The following NR4A1 variants were observed in gnomAD, a reference collection of about 807,000 sequenced individuals.
NR4A1 encodes the protein nuclear receptor subfamily 4immunitygroup A member 1.
A neutral mutation model predicts 47.5 loss-of-function variants in NR4A1; 24 were observed. That is an observed-to-expected ratio of 0.50 (90% CI 0.37 to 0.71). NR4A1 has a LOEUF of 0.71. Among genes scored for constraint, NR4A1 ranks in the 30% least tolerant of loss-of-function variants. The probability of loss-of-function intolerance (pLI) is 0.00; values close to 1 mark genes in which losing one functional copy is unlikely to be tolerated. For synonymous variants in NR4A1, 353 were observed against 345.7 expected (o/e 1.02, Z -0.24); for missense variants, 669 against 788.6 (o/e 0.85, Z 1.82).
At chr12:52,058,318 A>G (rs1220577653) in intron 6 of NR4A1, 1 of 224,684 alleles carries the variant, frequency 4.5e-6, no homozygotes, top group African/African-American at 2.3e-5. Flanking sequence ...TATAGAACAC[A>G]ATCAGAGGTA....
chr12:52,028,526 AT>A (rs200084436), intron 1 of NR4A1, among the ~76,000 whole-genome samples: 1,682 of 152,072 alleles, frequency 0.011, 31 homozygotes, highest in African/African-American at 0.038. Flanking sequence ...GTGAGCTGAG[AT>A]TGAGCCACTG....
At chr12:52,029,516 C>A (rs1462740691) in intron 1 of NR4A1, among the ~76,000 whole-genome samples, 1 of 151,994 alleles carries the variant, frequency 6.6e-6, no homozygotes, top group Non-Finnish European at 1.5e-5. Context: ...AGTGAAACCC[C>A]GTCTCTACAA....
chr12:52,054,381 G>A lies in NR4A1; in HGVS notation c.53G>A (p.Arg18His), dbSNP rs1216862802. The change falls in exon 2 of 7, where the codon CGT becomes CAT. Residue 18 changes from arginine to histidine, a missense_variant. Coordinates refer to ENST00000394825, the MANE Select transcript of NR4A1 (RefSeq NM_173157.3). The stretch of plus-strand genomic sequence containing the variant: ...ACACCAGCACCGAGTCCGGGACCCC[G>A]TGACCACCTGGCAAGCGACCCCCTG... The part of the protein sequence containing the change: ...YGTPAPSPGP[R>H]DHLASDPLTP... 1.2e-6 allele frequency: 2 copies of A among 1,613,428 alleles called. No individual in the cohort carries two copies. Among genetic ancestry groups the A allele is most frequent in the Non-Finnish European group, 1.7e-6 (2 of 1,179,714 alleles).
intron 1 of NR4A1, among the ~76,000 whole-genome samples, chr12:52,023,791 G>A (rs1409204611): frequency 5.3e-5 from 8 of 152,284 alleles, no homozygotes; most frequent in African/African-American, 9.6e-5. Context: ...TCCTCACAGG[G>A]TGCTGTGGCT....
chr12:52,053,354 A>T (rs1774648804), intron 1 of NR4A1: 1 of 152,104 alleles, frequency 6.6e-6, no homozygotes, highest in African/African-American at 2.4e-5. Context: ...GGACCCAGGC[A>T]GGGGCAGAAT....
At chr12:52,052,482 G>A in intron 1 of NR4A1, 4 of 985,538 alleles carry the variant, frequency 4.1e-6, no homozygotes, top group Non-Finnish European at 4.8e-6. Context: ...AGTAGTCTCT[G>A]TTGGATCTTA....
chr12:52,038,672 G>A, intron 1 of NR4A1: 1 of 760,048 alleles, frequency 1.3e-6, no homozygotes, highest in South Asian at 1.4e-5. Flanking sequence ...TAAAAAGGAA[G>A]TCAGCTGACT....
At chr12:52,047,442 G>A (rs146448312), upstream of NR4A1, among the ~76,000 whole-genome samples, 132 of 152,354 alleles carry the variant, frequency 8.7e-4, no homozygotes, top group East Asian at 0.016. Context: ...TGCTCCACAC[G>A]GGAACCTGCA....
chr12:52,029,039 G>A (rs1006983613), intron 1 of NR4A1, among the ~76,000 whole-genome samples: 1 of 152,190 alleles, frequency 6.6e-6, no homozygotes, highest in African/African-American at 2.4e-5. Context: ...CACTCCCAGG[G>A]AGCTAGGACC....
intron 1 of NR4A1, among the ~76,000 whole-genome samples, chr12:52,040,300 G>A (rs1215756602): frequency 6.6e-6 from 1 of 152,210 alleles, no homozygotes; most frequent in Admixed American, 6.5e-5. Flanking sequence ...GCACCACCTG[G>A]TGCCAAACTC....
In NR4A1 at chr12:52,054,564, C is replaced by A. The variant is rs145456746; in HGVS notation, c.236C>A (p.Ser79Tyr). The A allele has an allele frequency of 1.8e-4, 288 of 1,614,024 alleles. No homozygotes were observed. The highest frequency in any genetic ancestry group is 2.3e-4 in the Non-Finnish European group (272 of 1,180,014). The change falls in exon 2 of 7, where the codon TCC (serine) becomes TAC (tyrosine). Residue 79 changes from serine (S) to tyrosine (Y), a missense_variant. Transcript: ENST00000394825. ...YQLPGTVQPC[S>Y]SASSSASSTS... ...CTGCCAGGAACAGTCCAGCCATGCTCCTCAGCCTCCTCCTCGGCCTCCTCC... is the reference window on the plus strand; with the variant it reads ...CTGCCAGGAACAGTCCAGCCATGCTACTCAGCCTCCTCCTCGGCCTCCTCC...
At chr12:52,048,422 G>A (rs149368854), upstream of NR4A1, among the ~76,000 whole-genome samples, 76 of 151,968 alleles carry the variant, frequency 5.0e-4, no homozygotes, top group Non-Finnish European at 8.2e-4. Context: ...GTGAAACCCC[G>A]TCTCTGCTAA....
chr12:52,038,875 C>G (rs1938337461), intron 1 of NR4A1: 1 of 647,828 alleles, frequency 1.5e-6, no homozygotes. Flanking sequence ...GGCTCAAAGG[C>G]CCAGGGACCC....
At chr12:52,033,626 T>A (rs1193735284) in intron 1 of NR4A1, among the ~76,000 whole-genome samples, 1 of 151,898 alleles carries the variant, frequency 6.6e-6, no homozygotes, top group Non-Finnish European at 1.5e-5. Context: ...CCAAGTGGGG[T>A]CTCCTCATCC....
At chr12:52,052,323 G>A (rs2641521) in intron 1 of NR4A1, among the ~76,000 whole-genome samples, 3,349 of 146,662 alleles carry the variant, frequency 0.023, 97 homozygotes, top group African/African-American at 0.079. Flanking sequence ...GAGAGAGAGA[G>A]AGAGAAAGAG....
At chr12:52,024,973 C>T (rs1042165494) in intron 1 of NR4A1, among the ~76,000 whole-genome samples, 4 of 152,180 alleles carry the variant, frequency 2.6e-5, no homozygotes, top group Non-Finnish European at 5.9e-5. Context: ...CCTTTTGCTT[C>T]CTGAGACTGC....
chr12:52,056,294 G>A, intron 3 of NR4A1, 135 bp downstream of exon 3: 1 of 1,417,138 alleles, frequency 7.1e-7, no homozygotes, highest in Non-Finnish European at 9.5e-7. Flanking sequence ...TGAACCCCAG[G>A]CCTTGGAGGG....
chr12:52,038,075 T>C, intron 1 of NR4A1: 1 of 983,098 alleles, frequency 1.0e-6, no homozygotes, highest in African/African-American at 1.8e-5. Context: ...CCCCTTTCTT[T>C]TTTTTTTGAG....
chr12:52,048,572 T>G (rs1976255), upstream of NR4A1, among the ~76,000 whole-genome samples: 1 of 151,964 alleles, frequency 6.6e-6, no homozygotes, highest in Non-Finnish European at 1.5e-5. Flanking sequence ...CCAGCCTGGG[T>G]GACAGAGCGA....
Sources: allele counts gnomAD v4.1 joint callset (sites outside exome capture counted in the v4.1 genomes callset), GRCh38; gene constraint gnomAD v4.1.1; transcripts MANE v1.5; gene names NCBI Gene and HGNC (gene_info 2026-07-23, HGNC 2026-07-21).